MAP4: variants seen among roughly 807,000 people sequenced by gnomAD.
MAP4 encodes microtubule-associated protein 4.
MAP4 carries 76 observed loss-of-function variants against 170.2 expected under a neutral mutation model. That is an observed-to-expected ratio of 0.45 (90% CI 0.37 to 0.54). The LOEUF (loss-of-function observed/expected upper bound fraction) is 0.54. Ranked by LOEUF, MAP4 falls within the 20% of genes least tolerant of loss-of-function variation. The pLI is 0.00. For synonymous variants in MAP4, 909 were observed against 994.5 expected (o/e 0.91, Z 1.62); for missense variants, 2,506 against 2,748.0 (o/e 0.91, Z 1.97).
chr3:47,995,685 G>C (rs1469684305), intron 2 of MAP4, among the ~76,000 whole-genome samples: 1 of 152,038 alleles, frequency 6.6e-6, no homozygotes, highest in Admixed American at 6.6e-5. Flanking sequence ...CTTGGCTGTA[G>C]AAAGCCAAAA....
At chr3:48,051,017 G>A (rs2100127509) in intron 1 of MAP4, among the ~76,000 whole-genome samples, 1 of 151,916 alleles carries the variant, frequency 6.6e-6, no homozygotes, top group Non-Finnish European at 1.5e-5. Context: ...AAGAATGAGG[G>A]AAGGGAACAC....
At chr3:48,046,546 T>G (rs1412953062) in intron 1 of MAP4, among the ~76,000 whole-genome samples, 1 of 152,188 alleles carries the variant, frequency 6.6e-6, no homozygotes, top group African/African-American at 2.4e-5. Context: ...ATGTGGACCC[T>G]TGATGTAGTA....
chr3:47,901,231 A>C (rs1397558652), intron 10 of MAP4, among the ~76,000 whole-genome samples: 1 of 152,162 alleles, frequency 6.6e-6, no homozygotes, highest in Non-Finnish European at 1.5e-5. Flanking sequence ...CAGAGGAGTA[A>C]ACTTCTCTTA....
chr3:48,053,928 T>C (rs2100129242), intron 1 of MAP4, among the ~76,000 whole-genome samples: 1 of 152,214 alleles, frequency 6.6e-6, no homozygotes, highest in Non-Finnish European at 1.5e-5. Flanking sequence ...ATGAAAATGT[T>C]ATTCTCTTTT....
At chr3:47,943,434 A>G (rs1033693818) in intron 3 of MAP4, among the ~76,000 whole-genome samples, 1 of 152,180 alleles carries the variant, frequency 6.6e-6, no homozygotes, top group Non-Finnish European at 1.5e-5. Context: ...CCATGTGGTG[A>G]AACCCCATCT....
At chr3:47,973,650 A>T (rs1156266198) in intron 3 of MAP4, 2 of 985,262 alleles carry the variant, frequency 2.0e-6, no homozygotes, top group African/African-American at 3.5e-5. Context: ...ATGAAGTGTG[A>T]GTGTACACAA....
Position 47,910,990 on chromosome 3 carries a change from T to A in MAP4, c.3431A>T (p.Glu1144Val), listed in dbSNP as rs551249497. The change falls in exon 9 of 21, where the codon GAG becomes GTG. Residue 1144 changes from glutamate to valine, a missense_variant. Glu to Val is a moderately radical substitution (Grantham distance 121, BLOSUM62 -2). This residue lies in a region of MAP4 where 2,008 missense variants were observed against 2,206.0 expected (regional missense o/e 0.91). Transcript: ENST00000683076. ...TEAVVMGEPK[E>V]MTQPKVAGTM... ...GCCTGCCACCTTAGGCTGAGTCATCTCTTTAGGCTCCCCCATCACCACTGC... is the reference window on the plus strand; with the variant it reads ...GCCTGCCACCTTAGGCTGAGTCATCACTTTAGGCTCCCCCATCACCACTGC... The A allele has an allele frequency of 6.5e-7, 1 of 1,536,058 alleles. No homozygotes were observed. Among genetic ancestry groups the A allele is most frequent in the Non-Finnish European group, 8.7e-7 (1 of 1,146,900 alleles).
intron 17 of MAP4, among the ~76,000 whole-genome samples, chr3:47,864,951 GGACT>G (rs1033481828): frequency 6.6e-6 from 1 of 152,082 alleles, no homozygotes; most frequent in Admixed American, 6.6e-5. Flanking sequence ...CTTTAGGGAG[GGACT>G]GACAGAGATT....
chr3:48,057,533 C>A (rs549782246), intron 1 of MAP4, among the ~76,000 whole-genome samples: 45 of 138,192 alleles, frequency 3.3e-4, no homozygotes, highest in African/African-American at 1.2e-3. Context: ...TGTTTATCTG[C>A]TGACCTTCCC....
At chr3:48,063,702 G>C (rs1165911510) in intron 1 of MAP4, among the ~76,000 whole-genome samples, 1 of 152,004 alleles carries the variant, frequency 6.6e-6, no homozygotes, top group Non-Finnish European at 1.5e-5. Flanking sequence ...AAAAGACATT[G>C]AGAAACCTCA....
At chr3:48,064,299 T>G (rs2100137360) in intron 1 of MAP4, among the ~76,000 whole-genome samples, 2 of 152,176 alleles carry the variant, frequency 1.3e-5, no homozygotes. Context: ...ATGGATTAGC[T>G]GGCACCACCC....
rs745693695 is a variant in MAP4 at position 47,941,220 on chromosome 3, CAAAAAAAAAAAAAAAA to C, written c.293-12886_293-12871del. On this transcript the variant is annotated intron_variant, in intron 3 of 20. Coordinates refer to ENST00000683076, the MANE Select transcript of MAP4 (RefSeq NM_001385682.1). Reference sequence around the variant, plus strand: ...CAACATAATGAGACCCTATCTCTACCAAAAAAAAAAAAAAAAAAAAAAAAAAAGGAAGAAGAAGAAG... The same window carrying C: ...CAACATAATGAGACCCTATCTCTACCAAAAAAAAAAAGGAAGAAGAAGAAG... Among the ~76,000 whole-genome samples the C allele has an allele frequency of 8.7e-5, 4 of 45,840 alleles. No individual in the cohort carries two copies. In the East Asian group the frequency reaches 2.3e-3, roughly 27 times the overall value. The allele number at this position is 45,840 out of a possible 152,430, so 30.1% of individuals were successfully genotyped here.
intron 3 of MAP4, among the ~76,000 whole-genome samples, chr3:47,953,309 G>A (rs553454804): frequency 6.6e-6 from 1 of 152,130 alleles, no homozygotes; most frequent in Admixed American, 6.5e-5. Flanking sequence ...GGAGGCTTGA[G>A]CCCAGGAGTT....
At chr3:47,955,435 TACAC>T (rs3079351) in intron 3 of MAP4, among the ~76,000 whole-genome samples, 20,518 of 135,124 alleles carry the variant, frequency 0.15, 1,451 homozygotes, top group East Asian at 0.2. Flanking sequence ...AATAAGCACG[TACAC>T]ACACACACAC....
At chr3:48,069,954 T>C (rs559004327) in intron 1 of MAP4, among the ~76,000 whole-genome samples, 5 of 152,206 alleles carry the variant, frequency 3.3e-5, no homozygotes, top group Non-Finnish European at 5.9e-5. Context: ...TTTTAACCTA[T>C]TAAACTAGCA....
chr3:47,902,915 A>T, intron 10 of MAP4, 35 bp downstream of exon 10: 1 of 965,460 alleles, frequency 1.0e-6, no homozygotes, highest in Non-Finnish European at 1.2e-6. Context: ...GGGTTTATAA[A>T]TTACTTCAAG....
chr3:47,973,579 C>A (rs2100080082), intron 3 of MAP4: 1 of 984,022 alleles, frequency 1.0e-6, no homozygotes, highest in Non-Finnish European at 1.2e-6. Context: ...TTGAAAAAAA[C>A]AAATTTCAAA....
At chr3:47,955,455 C>CGT (rs1227915240) in intron 3 of MAP4, among the ~76,000 whole-genome samples, 20 of 151,386 alleles carry the variant, frequency 1.3e-4, no homozygotes, top group African/African-American at 4.9e-4. Flanking sequence ...CACACACACA[C>CGT]ACACACACAC....
intron 3 of MAP4, among the ~76,000 whole-genome samples, chr3:47,930,083 T>C (rs1271995931): frequency 1.3e-5 from 2 of 152,028 alleles, no homozygotes; most frequent in Admixed American, 1.3e-4. Context: ...TGAGCTGACA[T>C]TGTGCCACTG....
Sources: gnomAD v4.1 joint callset for allele counts (sites outside exome capture counted in the v4.1 genomes callset) on GRCh38, gnomAD v4.1.1 for gene constraint, gnomAD v4.1.1 regional missense constraint, MANE v1.5 for transcripts, NCBI Gene and HGNC (gene_info 2026-07-23, HGNC 2026-07-21) for gene names.